The following ATM variants were observed in gnomAD, a reference collection of about 807,000 sequenced individuals.
ATM encodes the protein ATM serine/threonine kinase.
Under a neutral mutation model 387.0 loss-of-function variants are expected in ATM, and 308 were observed. The ratio of observed to expected loss-of-function variants is 0.80; its 90% CI spans 0.73 to 0.87. The LOEUF is 0.87. Ranked by LOEUF, ATM falls within the 40% of genes least tolerant of loss-of-function variation. The probability of loss-of-function intolerance (pLI) is 0.00; values close to 1 mark genes in which losing one functional copy is unlikely to be tolerated. For synonymous variants in ATM, 1,156 were observed against 1,187.3 expected (o/e 0.97, Z 0.54); for missense variants, 3,312 against 3,560.9 (o/e 0.93, Z 1.78).
intron 55 of ATM, chr11:108,335,357 T>C (rs989425607): frequency 7.2e-6 from 9 of 1,243,232 alleles, no homozygotes; most frequent in Non-Finnish European, 9.7e-6. Flanking sequence ...TGTACAGACA[T>C]GTACAGTGAG....
intron 61 of ATM, among the ~76,000 whole-genome samples, chr11:108,357,035 A>G (rs927591910): frequency 2.0e-5 from 3 of 152,218 alleles, no homozygotes; most frequent in Admixed American, 6.5e-5. Flanking sequence ...CTGAGGTACC[A>G]GGTTCATCTC....
At chr11:108,227,341 T>G in intron 1 of ATM, 1 of 380,540 alleles carries the variant, frequency 2.6e-6, no homozygotes, top group South Asian at 3.2e-5. Flanking sequence ...ATCCTGCTAC[T>G]ACTGCAAGCA....
rs2078823585 is a variant in ATM, at chr11:108,227,856, A to G, written c.153A>G (p.Gln51=). 2 of 1,613,232 alleles carry G rather than the reference A, an allele frequency of 1.2e-6. No homozygotes were observed. The highest frequency in any genetic ancestry group is 1.3e-5 in the African/African-American group (1 of 74,914). Residue 51 remains glutamine (Q), a synonymous_variant, in exon 3 of 63, where the codon CAA becomes CAG. Transcript: ENST00000675843. The stretch of plus-strand genomic sequence containing the variant: ...TAGATCGGCATTCAGATTCCAAACA[A>G]GGAAAATATTTGAATTGGGATGCTG... ...KHLDRHSDSK[Q]GKYLNWDAVF...
At chr11:108,279,744 T>G in intron 23 of ATM, 136 bp downstream of exon 23, 1 of 721,966 alleles carries the variant, frequency 1.4e-6, no homozygotes, top group Non-Finnish European at 2.5e-6. Context: ...AACAACTGTA[T>G]GAATTGATTG....
chr11:108,346,548 A>G (rs1001374992), intron 58 of ATM: 1 of 151,718 alleles, frequency 6.6e-6, no homozygotes, highest in Admixed American at 6.6e-5. Context: ...CTTACATACT[A>G]TACCCCAGGA....
At chr11:108,272,665 T>A (rs2135568249) in intron 21 of ATM, 57 bp from the exon 22 acceptor site, 11 of 1,613,038 alleles carry the variant, frequency 6.8e-6, no homozygotes, top group Non-Finnish European at 9.3e-6. Flanking sequence ...GCAGTCTTTG[T>A]TTGTTAATGA....
intron 58 of ATM, 136 bp downstream of exon 58, chr11:108,346,044 T>C: frequency 1.1e-6 from 1 of 917,894 alleles, no homozygotes; most frequent in Admixed American, 2.1e-5. Flanking sequence ...CCAACCCATC[T>C]TCATTATTAA....
chr11:108,256,537 C>CT (rs1370133360), intron 14 of ATM, among the ~76,000 whole-genome samples, 197 bp downstream of exon 14: 4 of 151,942 alleles, frequency 2.6e-5, no homozygotes, highest in Admixed American at 1.3e-4. Flanking sequence ...TATTATTATA[C>CT]TTTAAGTTCT....
At chr11:108,339,166 G>A (rs905214448) in intron 56 of ATM, among the ~76,000 whole-genome samples, 7 of 152,160 alleles carry the variant, frequency 4.6e-5, no homozygotes, top group Non-Finnish European at 7.3e-5. Context: ...CAGAATTAGG[G>A]TGGCTGGCCC....
At position 108,292,731 on chromosome 11, in the gene ATM, C is replaced by T. The variant is rs754058482; in HGVS notation, c.4549C>T (p.Leu1517Phe). The change falls in exon 30 of 63, where the codon CTT (leucine) becomes TTT (phenylalanine). Residue 1517 changes from leucine (L) to phenylalanine (F), a missense_variant. By Grantham distance (22) the Leu-to-Phe change is conservative. Transcript: ENST00000675843. The part of the protein sequence containing the change: ...TYCKDALENH[L>F]HVIVGTLIPL... ...CTGTAAGGATGCTCTAGAAAACCAT[C>T]TTCATGTTATTGTTGGTACACTTAT... 13 of 1,613,944 alleles carry T rather than the reference C, an allele frequency of 8.1e-6. No individual in the cohort carries two copies. The highest frequency in any genetic ancestry group is 7.7e-5 in the South Asian group (7 of 91,076).
intron 56 of ATM, among the ~76,000 whole-genome samples, chr11:108,341,936 T>C (rs2087629471): frequency 1.3e-5 from 2 of 152,206 alleles, no homozygotes; most frequent in African/African-American, 4.8e-5. Context: ...GAGGTGAAGA[T>C]GTATCTCTGG....
chr11:108,227,370 T>G, intron 1 of ATM: 1 of 436,818 alleles, frequency 2.3e-6, no homozygotes, highest in South Asian at 3.1e-5. Context: ...ATTTTTGTGT[T>G]ACAGCATTAC....
At chr11:108,245,261 C>A (rs764272147) in intron 7 of ATM, among the ~76,000 whole-genome samples, 5 of 151,972 alleles carry the variant, frequency 3.3e-5, no homozygotes, top group African/African-American at 1.2e-4. Flanking sequence ...ATGGGAAATA[C>A]AAAAAAATCT....
chr11:108,287,908 C>G (rs1024381383), intron 27 of ATM, among the ~76,000 whole-genome samples, 193 bp downstream of exon 27: 1 of 152,134 alleles, frequency 6.6e-6, no homozygotes, highest in African/African-American at 2.4e-5. Context: ...ACAGTAATTA[C>G]TCTTTCTAAA....
intron 53 of ATM, 32 bp downstream of exon 53, chr11:108,332,932 T>C: frequency 3.1e-6 from 5 of 1,600,542 alleles, no homozygotes; most frequent in Non-Finnish European, 2.6e-6. Context: ...AACGTTACTT[T>C]CTTGCTGTGT....
At chr11:108,235,898 C>T (rs2079253976) in intron 5 of ATM, 64 bp downstream of exon 5, 2 of 1,568,080 alleles carry the variant, frequency 1.3e-6, no homozygotes, top group South Asian at 1.1e-5. Context: ...CCAAAGAAAG[C>T]ACTCTGTCTG....
chr11:108,316,402 C>T (rs990011732), intron 42 of ATM, among the ~76,000 whole-genome samples: 27 of 152,040 alleles, frequency 1.8e-4, no homozygotes, highest in Non-Finnish European at 2.5e-4. Context: ...AGACATTGCT[C>T]GAGCATATAC....
Position 108,275,572 on chromosome 11 carries a change from C to G in ATM, c.3284+2720C>G, listed in dbSNP as rs111929914. The stretch of plus-strand genomic sequence containing the variant: ...GGCAGGCCTGGTGGTGACAAAATCT[C>G]TCAGCATTTGCTTGTCTATAAAGGA... On this transcript the variant is annotated intron_variant, in intron 22 of 62. Coordinates refer to ENST00000675843, the MANE Select transcript of ATM (RefSeq NM_000051.4). 3.9e-5 allele frequency among the ~76,000 whole-genome samples: 6 copies of G among 152,190 alleles called. No homozygotes were observed. The East Asian group carries it at 1.2e-3, about 29-fold the overall frequency.
intron 31 of ATM, among the ~76,000 whole-genome samples, chr11:108,293,892 A>AT (rs1555100983): frequency 0.089 from 9,407 of 105,608 alleles, 200 homozygotes; most frequent in Middle Eastern, 0.2. Flanking sequence ...AAAAAAAAAA[A>AT]AAATATATAT....
Sources: allele counts gnomAD v4.1 joint callset (sites outside exome capture counted in the v4.1 genomes callset), GRCh38; gene constraint gnomAD v4.1.1; transcripts MANE v1.5; gene names NCBI Gene and HGNC (gene_info 2026-07-23, HGNC 2026-07-21).